The following ZHX3 variants were observed in gnomAD, a reference collection of about 807,000 sequenced individuals.
ZHX3 encodes the protein zinc fingers and homeoboxes protein 3.
ZHX3 carries 20 observed loss-of-function variants against 64.5 expected under a neutral mutation model. That is an observed-to-expected ratio of 0.31 (90% confidence interval 0.22 to 0.45). The LOEUF is 0.45. Among genes scored for constraint, ZHX3 ranks in the 20% least tolerant of loss-of-function variants. ZHX3 has a pLI of 1.00. For synonymous variants in ZHX3, 423 were observed against 461.6 expected, an observed-to-expected ratio of 0.92 and a Z score of 1.07; for missense variants, 1,041 against 1,195.8, an observed-to-expected ratio of 0.87 and a Z score of 1.91.
intron 1 of ZHX3, among the ~76,000 whole-genome samples, chr20:41,297,351 G>A (rs2044585858): frequency 6.6e-6 from 1 of 152,110 alleles, no homozygotes; most frequent in Non-Finnish European, 1.5e-5. Flanking sequence ...TAAACCCTTG[G>A]GACCCTGTGA....
In ZHX3 at chr20:41,185,109, G is replaced by A; in HGVS notation, c.*82C>T. On this transcript the variant is annotated 3_prime_UTR_variant, in exon 4 of 4. Transcript: ENST00000683867. The surrounding 1 kb of genome is among the most constrained non-coding windows in gnomAD (Gnocchi z 5.0). ...CAGCCGGGCATGGGAACGGCATGTG[G>A]CAGCAGAGAGTCGGGTTTGGCTCTT... is the stretch of plus-strand genomic sequence containing the variant. 6.3e-7 allele frequency: 1 copy of A among 1,578,916 alleles called. No individual in the cohort carries two copies. The highest frequency in any genetic ancestry group is 1.3e-5 in the African/African-American group (1 of 74,564).
rs1050338631 is a variant in ZHX3, at chr20:41,232,557, C to A, written c.-150-27491G>T. On this transcript the variant is annotated intron_variant, in intron 2 of 3. Transcript: ENST00000683867. The surrounding 1 kb of genome is among the most constrained non-coding windows in gnomAD (Gnocchi z 5.0). ...AGATATGAAAATTGAAACACAGCAC[C>A]CTCTGGTGTACATAGCTGTCTTCTA... Among the ~76,000 whole-genome samples, 1 of 152,108 alleles carries A rather than the reference C, an allele frequency of 6.6e-6. No individual in the cohort carries two copies. Among genetic ancestry groups the A allele is most frequent in the African/African-American group, 2.4e-5 (1 of 41,428 alleles).
chr20:41,278,934 G>A (rs1033376933), intron 1 of ZHX3, among the ~76,000 whole-genome samples: 1 of 151,812 alleles, frequency 6.6e-6, no homozygotes, highest in Middle Eastern at 3.4e-3. Flanking sequence ...CACCACGCCC[G>A]GCTAATTTTT....
At chr20:41,311,813 T>C (rs536713753) in intron 1 of ZHX3, among the ~76,000 whole-genome samples, 6 of 152,372 alleles carry the variant, frequency 3.9e-5, no homozygotes, top group East Asian at 3.9e-4. Context: ...TTAGAGATAA[T>C]GTGTGAACAC....
intron 2 of ZHX3, among the ~76,000 whole-genome samples, chr20:41,256,283 G>T (rs950386343): frequency 6.6e-6 from 1 of 152,082 alleles, no homozygotes; most frequent in African/African-American, 2.4e-5. Flanking sequence ...TATGTTTTTA[G>T]GGTGTAATAC....
In ZHX3 at chr20:41,232,752, A is replaced by AT. The variant is rs1280176071; in HGVS notation, c.-150-27687dup. 6.6e-6 allele frequency among the ~76,000 whole-genome samples: 1 copy of AT among 151,616 alleles called. No homozygotes were observed. Among genetic ancestry groups the AT allele is most frequent in the Non-Finnish European group, 1.5e-5 (1 of 67,892 alleles). On this transcript the variant is annotated intron_variant, in intron 2 of 3. Transcript: ENST00000683867. This position sits in a 1 kb window ranked among gnomAD's most constrained non-coding sequence, Gnocchi z 5.0. Reference sequence around the variant, plus strand: ...AGGCGCCCACCACCTCGCCCGGCTAATTTTTTGTATTTTTAGTAGAGACGG... The same window carrying AT: ...AGGCGCCCACCACCTCGCCCGGCTAATTTTTTTGTATTTTTAGTAGAGACGG...
chr20:41,278,642 T>G (rs1027628449), intron 1 of ZHX3, among the ~76,000 whole-genome samples: 1 of 142,014 alleles, frequency 7.0e-6, no homozygotes, highest in African/African-American at 2.6e-5. Flanking sequence ...AATGCCAATA[T>G]TTTCCTGAAT....
chr20:41,274,392 T>C (rs1461889554), intron 1 of ZHX3, among the ~76,000 whole-genome samples: 1 of 152,238 alleles, frequency 6.6e-6, no homozygotes, highest in Non-Finnish European at 1.5e-5. Flanking sequence ...TCACATTAGC[T>C]ACTTCGCCAA....
At chr20:41,264,385 CAAAAAAAAAAAA>C (rs1165922837) in intron 2 of ZHX3, among the ~76,000 whole-genome samples, 776 of 74,492 alleles carry the variant, frequency 0.01, 15 homozygotes, top group African/African-American at 0.034. Context: ...ACCAAAAATA[CAAAAAAAAAAAA>C]AAAAAAAAAA....
chr20:41,264,306 C>G (rs1192749856), intron 2 of ZHX3, among the ~76,000 whole-genome samples: 1 of 149,324 alleles, frequency 6.7e-6, no homozygotes, highest in African/African-American at 2.5e-5. Flanking sequence ...CTGTGGGAGG[C>G]CGAGGCGGGT....
intron 2 of ZHX3, among the ~76,000 whole-genome samples, chr20:41,252,605 G>A (rs1336637966): frequency 6.6e-6 from 1 of 152,050 alleles, no homozygotes; most frequent in Non-Finnish European, 1.5e-5. Context: ...ACTTTATCCA[G>A]GAGTCTTGTG....
chr20:41,296,350 G>C (rs1025065915), intron 1 of ZHX3, among the ~76,000 whole-genome samples: 2 of 148,946 alleles, frequency 1.3e-5, no homozygotes, highest in African/African-American at 4.9e-5. Flanking sequence ...ATGGGCCACA[G>C]AGAAAGTAAG....
chr20:41,222,160 T>C (rs77119833), intron 2 of ZHX3, among the ~76,000 whole-genome samples: 10,889 of 152,214 alleles, frequency 0.072, 419 homozygotes, highest in Middle Eastern at 0.17. Flanking sequence ...TGGACCAGGA[T>C]GGTAGAGATG....
At chr20:41,252,229 C>G (rs1484027738) in intron 2 of ZHX3, among the ~76,000 whole-genome samples, 1 of 152,046 alleles carries the variant, frequency 6.6e-6, no homozygotes, top group Non-Finnish European at 1.5e-5. Flanking sequence ...GTATGGGATC[C>G]AGGGAGGAGG....
At chr20:41,293,148 G>C (rs1413845471) in intron 1 of ZHX3, among the ~76,000 whole-genome samples, 1 of 152,144 alleles carries the variant, frequency 6.6e-6, no homozygotes, top group African/African-American at 2.4e-5. Flanking sequence ...CTTTCCCCAA[G>C]AACTGTGCCC....
At chr20:41,237,497 G>A (rs2041087673) in intron 2 of ZHX3, among the ~76,000 whole-genome samples, 1 of 152,146 alleles carries the variant, frequency 6.6e-6, no homozygotes, top group South Asian at 2.1e-4. Flanking sequence ...ATCATTCTCA[G>A]CAAACTATCG....
At chr20:41,313,229 T>C (rs1401010558) in intron 1 of ZHX3, among the ~76,000 whole-genome samples, 1 of 152,036 alleles carries the variant, frequency 6.6e-6, no homozygotes, top group Non-Finnish European at 1.5e-5. Context: ...ATTTCGAAGC[T>C]TGAGAGGGAG....
intron 1 of ZHX3, among the ~76,000 whole-genome samples, chr20:41,314,409 T>C (rs1052182705): frequency 1.3e-5 from 2 of 152,194 alleles, no homozygotes; most frequent in African/African-American, 4.8e-5. Flanking sequence ...TAAGTAAATA[T>C]GTAACAGCTA....
chr20:41,301,782 C>T (rs2044817019), intron 1 of ZHX3, among the ~76,000 whole-genome samples: 3 of 152,088 alleles, frequency 2.0e-5, no homozygotes, highest in Non-Finnish European at 2.9e-5. Context: ...AGGCCGGGCG[C>T]GGTGGCTCAC....
Sources: gnomAD v4.1 joint callset for allele counts (sites outside exome capture counted in the v4.1 genomes callset) on GRCh38, gnomAD v4.1.1 for gene constraint, Gnocchi (gnomAD v3.1) non-coding constraint, MANE v1.5 for transcripts, NCBI Gene and HGNC (gene_info 2026-07-23, HGNC 2026-07-21) for gene names.